DNAH17: variants seen among roughly 807,000 people sequenced by gnomAD.
The protein encoded by DNAH17 is axonemal beta dynein heavy chain 17.
A neutral mutation model predicts 485.6 loss-of-function variants in DNAH17; 376 were observed. That is an observed-to-expected ratio of 0.77 (90% CI 0.71 to 0.84). The LOEUF is 0.84. Among genes scored for constraint, DNAH17 ranks in the 40% least tolerant of loss-of-function variants. The pLI, the probability that DNAH17 is intolerant of heterozygous loss-of-function variation, is 0.00. For missense variants in DNAH17, 6,370 were observed against 5,839.3 expected, an observed-to-expected ratio of 1.09 and a Z score of -2.96; for synonymous variants, 3,031 against 2,405.9, an observed-to-expected ratio of 1.26 and a Z score of -7.60.
chr17:78,500,076 G>A (rs1004231376), intron 36 of DNAH17: 8 of 508,536 alleles, frequency 1.6e-5, no homozygotes, highest in Non-Finnish European at 2.8e-5. Context: ...CAGGGCAGGG[G>A]CTGGGGCAGG....
chr17:78,524,465 T>C (rs2091011140), intron 25 of DNAH17, among the ~76,000 whole-genome samples: 1 of 152,104 alleles, frequency 6.6e-6, no homozygotes, highest in Non-Finnish European at 1.5e-5. Context: ...AAAGGGACCC[T>C]GGAGCGATTT....
chr17:78,548,828 T>C (rs61369904), intron 16 of DNAH17, among the ~76,000 whole-genome samples: 45 of 152,358 alleles, frequency 3.0e-4, no homozygotes, highest in African/African-American at 1.1e-3. Flanking sequence ...TTTGCTAGTT[T>C]TGAGACGGCA....
chr17:78,575,001 G>A lies in DNAH17; in HGVS notation c.57C>T (p.Val19=), dbSNP rs749131962. ...LEYLEEVASI[V]LKFKPDKWSK... ...TCCACTTGTCCGGCTTGAACTTCAG[G>A]ACGATGGAGGCAACTTCCTCCAGAT... Residue 19 remains valine, a synonymous_variant, in exon 2 of 81, where the codon GTC becomes GTT. Coordinates refer to ENST00000389840, the MANE Select transcript of DNAH17 (RefSeq NM_173628.4). 2 of 1,613,882 alleles carry A rather than the reference G, an allele frequency of 1.2e-6. No homozygotes were observed. The highest frequency in any genetic ancestry group is 2.7e-5 in the African/African-American group (2 of 74,918).
At chr17:78,424,485 G>A in intron 80 of DNAH17, 1 of 306,648 alleles carries the variant, frequency 3.3e-6, no homozygotes, top group Non-Finnish European at 6.1e-6. Context: ...ACAGAGTAAA[G>A]TTCCCTGATT....
intron 33 of DNAH17, 196 bp from the exon 34 acceptor site, chr17:78,502,069 G>A (rs879696096): frequency 3.0e-6 from 2 of 677,794 alleles, no homozygotes; most frequent in Non-Finnish European, 4.8e-6. Flanking sequence ...ACACCTGGCA[G>A]TGGCTAGCAT....
intron 75 of DNAH17, among the ~76,000 whole-genome samples, chr17:78,430,939 G>A (rs1490508448): frequency 6.6e-6 from 1 of 152,072 alleles, no homozygotes; most frequent in Non-Finnish European, 1.5e-5. Flanking sequence ...GGAGTGCAGT[G>A]GTACAAACAT....
At chr17:78,506,926 A>G in intron 29 of DNAH17, 80 bp from the exon 30 acceptor site, 2 of 1,574,540 alleles carry the variant, frequency 1.3e-6, no homozygotes, top group South Asian at 1.1e-5. Flanking sequence ...TCGGCGAAGG[A>G]AACTGATCAT....
intron 56 of DNAH17, among the ~76,000 whole-genome samples, chr17:78,464,943 C>T (rs1167113914): frequency 6.6e-6 from 1 of 152,202 alleles, no homozygotes; most frequent in African/African-American, 2.4e-5. Context: ...TAAAACCTCA[C>T]TTATCGCTCT....
At chr17:78,566,424 G>A (rs1355914374) in intron 11 of DNAH17, among the ~76,000 whole-genome samples, 190 bp downstream of exon 11, 2 of 152,188 alleles carry the variant, frequency 1.3e-5, no homozygotes, top group Non-Finnish European at 1.5e-5. Flanking sequence ...GGATGTGGCA[G>A]TAAGAACCAT....
chr17:78,426,142 G>C (rs955887744), intron 79 of DNAH17, among the ~76,000 whole-genome samples: 1 of 152,212 alleles, frequency 6.6e-6, no homozygotes, highest in Admixed American at 6.5e-5. Flanking sequence ...GGATAATTTA[G>C]GAGCCCAAAG....
chr17:78,513,728 A>T (rs1012046572), intron 26 of DNAH17, among the ~76,000 whole-genome samples: 2 of 152,046 alleles, frequency 1.3e-5, no homozygotes, highest in Non-Finnish European at 1.5e-5. Flanking sequence ...GAGCCACCGC[A>T]CCCGGCTTTC....
chr17:78,533,731 CCG>C, intron 19 of DNAH17, among the ~76,000 whole-genome samples: 1 of 152,162 alleles, frequency 6.6e-6, no homozygotes, highest in East Asian at 1.9e-4. Context: ...GTCACCCAGG[CCG>C]GAGTGCAGTG....
At chr17:78,570,406 G>T (rs376700580) in intron 6 of DNAH17, 34 bp from the exon 7 acceptor site, 1 of 1,598,138 alleles carries the variant, frequency 6.3e-7, no homozygotes, top group South Asian at 1.1e-5. Context: ...CACTGGAGGG[G>T]ACTGGCCGCT....
At chr17:78,434,291 ACCAGCGT>A (rs1038020759) in intron 74 of DNAH17, 71 bp from the exon 75 acceptor site, 3 of 1,453,882 alleles carry the variant, frequency 2.1e-6, no homozygotes, top group Non-Finnish European at 2.8e-6. Flanking sequence ...CCTGAGGGTG[ACCAGCGT>A]CCAGCCCTTG....
intron 75 of DNAH17, 36 bp from the exon 76 acceptor site, chr17:78,429,336 C>A (rs919726958): frequency 1.9e-6 from 3 of 1,597,684 alleles, no homozygotes; most frequent in Non-Finnish European, 2.6e-6. Context: ...GGAAAGTGCC[C>A]CTGTGCCCCT....
intron 26 of DNAH17, among the ~76,000 whole-genome samples, chr17:78,511,003 A>G (rs1414938733): frequency 6.6e-6 from 1 of 152,266 alleles, no homozygotes; most frequent in South Asian, 2.1e-4. Flanking sequence ...TGGAGCCCCC[A>G]GAAGCTGGAG....
chr17:78,510,758 C>A lies in DNAH17; in HGVS notation c.4114-252G>T, dbSNP rs968551496. ...GCACTGGGCGGAATTGCGGCCCCCC[C>A]GCAAAATTCACATCCGCCCAGAACC... On this transcript the variant is annotated intron_variant, in intron 26 of 80. Coordinates refer to ENST00000389840, the MANE Select transcript of DNAH17 (RefSeq NM_173628.4). 19 of 394,436 alleles carry A rather than the reference C, an allele frequency of 4.8e-5. No homozygotes were observed. The Admixed American group carries it at 5.6e-4, about 12-fold the overall frequency. The allele number at this position is 394,436 out of a possible 1,614,324, so 24.4% of individuals were successfully genotyped here. A position where few individuals can be genotyped will look rare whatever the true frequency, so the allele number is the denominator to read the frequency against.
intron 79 of DNAH17, among the ~76,000 whole-genome samples, chr17:78,425,811 G>A (rs1276516399): frequency 1.4e-5 from 2 of 143,450 alleles, no homozygotes; most frequent in Non-Finnish European, 3.0e-5. Context: ...TGTCACCCAG[G>A]CTGGAGTGCA....
intron 36 of DNAH17, 64 bp from the exon 37 acceptor site, chr17:78,499,176 G>A: frequency 8.3e-7 from 1 of 1,202,554 alleles, no homozygotes; most frequent in South Asian, 1.6e-5. Flanking sequence ...GGCGCTGCAG[G>A]GGCCTCCCCC....
Sources: allele counts gnomAD v4.1 joint callset (sites outside exome capture counted in the v4.1 genomes callset), GRCh38; gene constraint gnomAD v4.1.1; transcripts MANE v1.5; gene names NCBI Gene and HGNC (gene_info 2026-07-23, HGNC 2026-07-21).